Variants in PPIP5K2 observed in about 807,000 individuals in gnomAD.
The protein encoded by PPIP5K2 is inositol hexakisphosphate and diphosphoinositol-pentakisphosphate kinase 2.
In PPIP5K2, 105 loss-of-function variants were observed where a neutral mutation model predicts 154.6. The ratio of observed to expected loss-of-function variants is 0.68; its 90% CI spans 0.58 to 0.80. The LOEUF (loss-of-function observed/expected upper bound fraction) is 0.80, where lower values mean the gene tolerates loss of function less well. Ranked by LOEUF, PPIP5K2 falls within the 30% of genes least tolerant of loss-of-function variation. PPIP5K2 has a pLI of 0.00. For synonymous variants in PPIP5K2, 480 were observed against 490.3 expected, an observed-to-expected ratio of 0.98 and a Z score of 0.28; for missense variants, 992 against 1,504.6, an observed-to-expected ratio of 0.66 and a Z score of 5.64.
At chr5:103,127,870 T>A (rs141993768) in intron 1 of PPIP5K2, among the ~76,000 whole-genome samples, 43 of 151,826 alleles carry the variant, frequency 2.8e-4, no homozygotes, top group African/African-American at 9.4e-4. Context: ...TGCCATTTGA[T>A]AGGAAACAGA....
At chr5:103,199,685 AT>A (rs1438511890) in intron 30 of PPIP5K2, among the ~76,000 whole-genome samples, 1 of 149,864 alleles carries the variant, frequency 6.7e-6, no homozygotes, top group Non-Finnish European at 1.5e-5. Flanking sequence ...GATTTGGTTG[AT>A]TTGGTTGTTG....
chr5:103,172,392 T>G (rs1236659879), intron 19 of PPIP5K2, among the ~76,000 whole-genome samples: 2 of 151,036 alleles, frequency 1.3e-5, no homozygotes, highest in Non-Finnish European at 3.0e-5. Context: ...TGGAGGTATC[T>G]AGTAGCAGGA....
chr5:103,129,768 T>A, intron 2 of PPIP5K2, 65 bp downstream of exon 2: 1 of 1,420,238 alleles, frequency 7.0e-7, no homozygotes, highest in Non-Finnish European at 9.2e-7. Context: ...TACTAATCAC[T>A]GTTAGTCTTT....
intron 1 of PPIP5K2, among the ~76,000 whole-genome samples, chr5:103,124,311 G>T (rs557560317): frequency 2.0e-5 from 3 of 151,118 alleles, no homozygotes; most frequent in African/African-American, 7.3e-5. Flanking sequence ...CTTGTACTAC[G>T]ACATATATCC....
In PPIP5K2 at chr5:103,202,146, T is replaced by C. The variant is rs1359536817; in HGVS notation, c.*512T>C. 6.5e-6 allele frequency: 1 copy of C among 152,728 alleles called. No homozygotes were observed. Among genetic ancestry groups the C allele is most frequent in the Non-Finnish European group, 1.5e-5 (1 of 68,078 alleles). The allele number at this position is 152,728 out of a possible 1,614,324, so 9.5% of individuals were successfully genotyped here. Reference sequence around the variant, plus strand: ...TGTTACAGTGACATATATGCTGCAATATTTAACAACTGGAGTATTAGCCAC... The same window carrying C: ...TGTTACAGTGACATATATGCTGCAACATTTAACAACTGGAGTATTAGCCAC... On this transcript the variant is annotated 3_prime_UTR_variant, in exon 31 of 31. Transcript: ENST00000358359.
chr5:103,183,696 A>T (rs1554223925), intron 25 of PPIP5K2, among the ~76,000 whole-genome samples: 7 of 152,206 alleles, frequency 4.6e-5, no homozygotes. Flanking sequence ...TAATAAAATT[A>T]TTTAAAAATG....
At chr5:103,184,592 TG>T in intron 25 of PPIP5K2, 79 bp from the exon 26 acceptor site, 1 of 1,041,470 alleles carries the variant, frequency 9.6e-7, no homozygotes, top group Non-Finnish European at 1.5e-6. Flanking sequence ...TTTGTCTGTC[TG>T]GAACAGGCTG....
chr5:103,152,821 T>C (rs1794836723), intron 10 of PPIP5K2, 72 bp downstream of exon 10: 3 of 1,030,124 alleles, frequency 2.9e-6, no homozygotes, highest in Non-Finnish European at 4.4e-6. Flanking sequence ...AAAAATTAAA[T>C]TTCTGAATGA....
intron 1 of PPIP5K2, among the ~76,000 whole-genome samples, chr5:103,128,612 G>A (rs1196574948): frequency 6.6e-6 from 1 of 152,128 alleles, no homozygotes; most frequent in Non-Finnish European, 1.5e-5. Flanking sequence ...GCCTGGTTAT[G>A]TGGAAGAGTT....
intron 4 of PPIP5K2, among the ~76,000 whole-genome samples, chr5:103,138,037 T>A (rs1263921715): frequency 1.3e-5 from 2 of 152,190 alleles, no homozygotes; most frequent in African/African-American, 4.8e-5. Flanking sequence ...TAAATACTAT[T>A]TAAGCATAAG....
Position 103,202,636 on chromosome 5 carries a change from T to A in PPIP5K2, c.*1002T>A, listed in dbSNP as rs1803182704. 2.0e-5 allele frequency: 3 copies of A among 152,174 alleles called. No homozygotes were observed. In the South Asian group the frequency reaches 6.2e-4, roughly 32 times the overall value. 9.4% of individuals were successfully genotyped at this position (152,174 alleles called of 1,614,324 possible). A position where few individuals can be genotyped will look rare whatever the true frequency, so the allele number is the denominator to read the frequency against. Reference sequence around the variant, plus strand: ...TGAAATAAATGCTCTTTATAAATGATTAGATTTTTGAAGGGATATTGAAAT... The same window carrying A: ...TGAAATAAATGCTCTTTATAAATGAATAGATTTTTGAAGGGATATTGAAAT... On this transcript the variant is annotated 3_prime_UTR_variant, in exon 31 of 31. Coordinates refer to ENST00000358359, the MANE Select transcript of PPIP5K2 (RefSeq NM_001276277.3).
chr5:103,149,109 CAT>C (rs782312006), intron 7 of PPIP5K2, 41 bp from the exon 8 acceptor site: 42 of 1,414,424 alleles, frequency 3.0e-5, no homozygotes, highest in Non-Finnish European at 3.7e-5. Flanking sequence ...CACACACACA[CAT>C]ACATATATAT....
At position 103,210,666 on chromosome 5, in the gene PPIP5K2, C is replaced by A. The variant is rs920380034; in HGVS notation, c.*9032C>A. On this transcript the variant is annotated 3_prime_UTR_variant, in exon 31 of 31. Transcript: ENST00000358359. ...AACAATTATTGAGGTAAATAACATA[C>A]CCTAAAAGTTAGTACTGATTCCCAT... 1 of 152,044 alleles carries A rather than the reference C, an allele frequency of 6.6e-6. No individual in the cohort carries two copies. Among genetic ancestry groups the A allele is most frequent in the South Asian group, 2.1e-4 (1 of 4,824 alleles). The allele number at this position is 152,044 out of a possible 1,614,324, so 9.4% of individuals were successfully genotyped here.
chr5:103,178,278 C>A, intron 23 of PPIP5K2, among the ~76,000 whole-genome samples: 1 of 151,806 alleles, frequency 6.6e-6, no homozygotes. Context: ...ATGTGATGTG[C>A]AGTCCAGTTT....
chr5:103,125,430 C>G (rs1052837805), intron 1 of PPIP5K2, among the ~76,000 whole-genome samples: 1 of 150,976 alleles, frequency 6.6e-6, no homozygotes, highest in Non-Finnish European at 1.5e-5. Flanking sequence ...ACCCCTGAAT[C>G]CATGCTCTTA....
intron 9 of PPIP5K2, 41 bp from the exon 10 acceptor site, chr5:103,152,607 A>G: frequency 7.5e-7 from 1 of 1,339,164 alleles, no homozygotes; most frequent in Non-Finnish European, 1.1e-6. Flanking sequence ...GTTTTGTCTT[A>G]AAACGTACTA....
intron 19 of PPIP5K2, among the ~76,000 whole-genome samples, chr5:103,172,836 C>A (rs1197398400): frequency 1.3e-5 from 2 of 151,658 alleles, no homozygotes; most frequent in African/African-American, 4.8e-5. Context: ...CCTTAATCCA[C>A]CTTTCTTTTA....
chr5:103,183,135 C>T, intron 24 of PPIP5K2, 99 bp from the exon 25 acceptor site: 1 of 954,520 alleles, frequency 1.0e-6, no homozygotes, highest in African/African-American at 2.7e-5. Context: ...TTTTTTCTTT[C>T]TGATCATTTG....
chr5:103,142,334 C>T (rs1451644585), intron 5 of PPIP5K2, among the ~76,000 whole-genome samples: 1 of 152,164 alleles, frequency 6.6e-6, no homozygotes, highest in African/African-American at 2.4e-5. Flanking sequence ...GTGCGGGGCC[C>T]GCCAAGCCCA....
Sources: allele counts gnomAD v4.1 joint callset (sites outside exome capture counted in the v4.1 genomes callset), GRCh38; gene constraint gnomAD v4.1.1; transcripts MANE v1.5; gene names NCBI Gene and HGNC (gene_info 2026-07-23, HGNC 2026-07-21).